The following TNRC6B variants were observed in gnomAD, a reference collection of about 807,000 sequenced individuals.
The protein encoded by TNRC6B is trinucleotide repeat-containing gene 6B protein.
Under a neutral mutation model 203.6 loss-of-function variants are expected in TNRC6B, and 52 were observed. The ratio of observed to expected loss-of-function variants is 0.26; its 90% CI spans 0.20 to 0.32. The LOEUF is 0.32. Ranked by LOEUF, TNRC6B falls within the 10% of genes least tolerant of loss-of-function variation. The pLI, the probability that TNRC6B is intolerant of heterozygous loss-of-function variation, is 1.00. For missense variants in TNRC6B, 1,923 were observed against 2,286.2 expected (o/e 0.84, Z 3.24); for synonymous variants, 838 against 845.7 (o/e 0.99, Z 0.16).
At chr22:40,200,746 T>C (rs2069402021) in intron 1 of TNRC6B, among the ~76,000 whole-genome samples, 2 of 152,162 alleles carry the variant, frequency 1.3e-5, no homozygotes, top group Admixed American at 1.3e-4. Flanking sequence ...ATTTATGATA[T>C]GCTAGGCACA....
At chr22:40,202,601 C>T (rs1435230256) in intron 1 of TNRC6B, among the ~76,000 whole-genome samples, 1 of 152,052 alleles carries the variant, frequency 6.6e-6, no homozygotes, top group Non-Finnish European at 1.5e-5. Flanking sequence ...TGACTTGTTT[C>T]TCAGTTTTGA....
intron 12 of TNRC6B, 38 bp downstream of exon 12, chr22:40,285,808 AC>A (rs780198886): frequency 4.3e-6 from 7 of 1,609,804 alleles, no homozygotes; most frequent in Non-Finnish European, 5.9e-6. Flanking sequence ...AAAATGAAAG[AC>A]CATTTCACAT....
chr22:40,108,204 T>C (rs1039298865), intron 1 of TNRC6B, among the ~76,000 whole-genome samples: 1 of 152,048 alleles, frequency 6.6e-6, no homozygotes, highest in Non-Finnish European at 1.5e-5. Flanking sequence ...CAGTGGAGGC[T>C]CTGGAGAGGA....
chr22:40,287,977 G>A (rs978969783), intron 12 of TNRC6B, among the ~76,000 whole-genome samples: 3 of 152,230 alleles, frequency 2.0e-5, no homozygotes, highest in African/African-American at 4.8e-5. Context: ...GATTAAAAGT[G>A]CCTTCTAAGC....
intron 3 of TNRC6B, among the ~76,000 whole-genome samples, chr22:40,260,771 A>G (rs1235362912): frequency 1.3e-5 from 2 of 152,150 alleles, no homozygotes. Flanking sequence ...TAGGGGAGTG[A>G]ATGTTGATTG....
chr22:40,128,539 ATCACGGC>A (rs555957258), intron 3 of TNRC6B, among the ~76,000 whole-genome samples: 79 of 147,884 alleles, frequency 5.3e-4, no homozygotes, highest in Non-Finnish European at 6.5e-4. Flanking sequence ...TGGTGGTATG[ATCACGGC>A]TCACGGCTCA....
intron 1 of TNRC6B, among the ~76,000 whole-genome samples, chr22:40,095,853 G>A (rs2068182586): frequency 6.6e-6 from 1 of 151,940 alleles, no homozygotes. Flanking sequence ...TGATAGGGGA[G>A]ATGGATATCA....
At chr22:40,305,339 G>C (rs2071075686) in intron 15 of TNRC6B, among the ~76,000 whole-genome samples, 1 of 152,212 alleles carries the variant, frequency 6.6e-6, no homozygotes, top group Non-Finnish European at 1.5e-5. Context: ...CTAAAGCTCT[G>C]TGTTGGTGAG....
At chr22:40,151,858 A>AAG (rs2068759518) in intron 3 of TNRC6B, among the ~76,000 whole-genome samples, 1 of 122,044 alleles carries the variant, frequency 8.2e-6, no homozygotes, top group African/African-American at 3.8e-5. Flanking sequence ...AAGAGAAAGA[A>AAG]AAGAAAGAAG....
intron 1 of TNRC6B, among the ~76,000 whole-genome samples, chr22:40,198,700 C>G (rs1034562883): frequency 1.3e-5 from 2 of 152,024 alleles, no homozygotes; most frequent in Admixed American, 1.3e-4. Flanking sequence ...GATGCTAGAT[C>G]GGAATCAGAA....
chr22:40,320,944 A>G (rs2071326653), intron 21 of TNRC6B, 146 bp from the exon 22 acceptor site: 1 of 875,610 alleles, frequency 1.1e-6, no homozygotes, highest in African/African-American at 1.7e-5. Flanking sequence ...CATAGGCTGA[A>G]TCATATGCTT....
rs545405576 is a variant in TNRC6B at position 40,068,873 on chromosome 22, T to A, written c.-121+23875T>A. ...ATGCTGGGATTACAGGAATGAACCA[T>A]TGCACCTTGCCAGATTTTTCTTTTA... On this transcript the variant is annotated intron_variant, in intron 1 of 23. Coordinates refer to the TNRC6B transcript ENST00000301923. Among the ~76,000 whole-genome samples, 49 of 152,094 alleles carry A rather than the reference T, an allele frequency of 3.2e-4. No homozygotes were observed. In the South Asian group the frequency reaches 0.01, roughly 32 times the overall value.
intron 7 of TNRC6B, among the ~76,000 whole-genome samples, chr22:40,276,577 G>C (rs1316049277): frequency 1.3e-5 from 2 of 152,124 alleles, no homozygotes; most frequent in Non-Finnish European, 2.9e-5. Context: ...TCTTCCACTA[G>C]GTCTCTTTAC....
At chr22:40,281,410 A>T (rs2070719613) in intron 11 of TNRC6B, 121 bp downstream of exon 11, 1 of 772,084 alleles carries the variant, frequency 1.3e-6, no homozygotes, top group Non-Finnish European at 1.9e-6. Context: ...GCACAGAATG[A>T]TATTAAGTGT....
At chr22:40,069,617 A>T (rs373850920) in intron 1 of TNRC6B, among the ~76,000 whole-genome samples, 1 of 151,384 alleles carries the variant, frequency 6.6e-6, no homozygotes, top group African/African-American at 2.4e-5. Context: ...CCTCCAGAGT[A>T]TCTGGGATTA....
chr22:40,177,970 G>T lies in TNRC6B; in HGVS notation c.-166G>T. ...AGAGCAAGAGGGAGAGTGTGTGAGA[G>T]AGAGTTAGTTCAAGCCAAAATGGCC... is the stretch of plus-strand genomic sequence containing the variant. On this transcript the variant is annotated 5_prime_UTR_variant, in exon 1 of 23. Transcript: ENST00000454349. 6.8e-7 allele frequency: 1 copy of T among 1,460,438 alleles called. No homozygotes were observed. Among genetic ancestry groups the T allele is most frequent in the Non-Finnish European group, 9.0e-7 (1 of 1,113,284 alleles). The allele number at this position is 1,460,438 out of a possible 1,614,324, so 90.5% of individuals were successfully genotyped here.
intron 1 of TNRC6B, among the ~76,000 whole-genome samples, chr22:40,205,942 C>T (rs1046410369): frequency 2.6e-5 from 4 of 152,188 alleles, no homozygotes; most frequent in Middle Eastern, 3.4e-3. Context: ...GGGTGATCCA[C>T]GCAATAGTAC....
chr22:40,314,777 A>G (rs2071234502), intron 19 of TNRC6B, among the ~76,000 whole-genome samples: 1 of 152,240 alleles, frequency 6.6e-6, no homozygotes, highest in Non-Finnish European at 1.5e-5. Context: ...ATGCATAGTA[A>G]GCCCTTAGTG....
At chr22:40,230,389 A>G (rs1032483356) in intron 1 of TNRC6B, among the ~76,000 whole-genome samples, 3 of 151,074 alleles carry the variant, frequency 2.0e-5, no homozygotes, top group African/African-American at 7.3e-5. Context: ...TCCCAGGCTC[A>G]AGCAATTTCT....
Sources: gnomAD v4.1 joint callset for allele counts (sites outside exome capture counted in the v4.1 genomes callset) on GRCh38, gnomAD v4.1.1 for gene constraint, MANE v1.5 for transcripts, NCBI Gene and HGNC (gene_info 2026-07-23, HGNC 2026-07-21) for gene names.